Variants in TBC1D5 observed in about 807,000 individuals in gnomAD.
TBC1D5 encodes TBC1 domain family, member 5.
A neutral mutation model predicts 100.3 loss-of-function variants in TBC1D5; 75 were observed. That is an observed-to-expected ratio of 0.75 (90% CI 0.62 to 0.91). The LOEUF is 0.91. Among genes scored for constraint, TBC1D5 ranks in the 40% least tolerant of loss-of-function variants. TBC1D5 has a pLI of 0.00. For synonymous variants in TBC1D5, 323 were observed against 325.6 expected (o/e 0.99, Z 0.09); for missense variants, 910 against 942.4 (o/e 0.97, Z 0.45).
intron 2 of TBC1D5, among the ~76,000 whole-genome samples, chr3:17,615,663 T>C (rs2062084952): frequency 6.6e-6 from 1 of 152,244 alleles, no homozygotes; most frequent in African/African-American, 2.4e-5. Context: ...GATTTTCTAG[T>C]TGCTTTGCGT....
chr3:17,415,644 TTAA>T (rs1360202460), intron 4 of TBC1D5, among the ~76,000 whole-genome samples: 1 of 152,044 alleles, frequency 6.6e-6, no homozygotes, highest in East Asian at 1.9e-4. Flanking sequence ...TTTAATTGTA[TTAA>T]TAATTTAAAT....
chr3:17,295,475 C>T (rs2150235671), intron 14 of TBC1D5, among the ~76,000 whole-genome samples: 1 of 152,288 alleles, frequency 6.6e-6, no homozygotes, highest in Non-Finnish European at 1.5e-5. Flanking sequence ...TTATGTGCCC[C>T]ACAACTATTC....
intron 8 of TBC1D5, among the ~76,000 whole-genome samples, chr3:17,401,350 A>C (rs1369188033): frequency 1.2e-5 from 1 of 80,562 alleles, no homozygotes; most frequent in African/African-American, 6.5e-5. Context: ...TATAATATAC[A>C]TATATATGTA....
At chr3:17,661,145 A>G (rs2066604576) in intron 1 of TBC1D5, among the ~76,000 whole-genome samples, 1 of 152,188 alleles carries the variant, frequency 6.6e-6, no homozygotes, top group African/African-American at 2.4e-5. Flanking sequence ...ATTTTGAATA[A>G]TGTTGCATAC....
At chr3:17,578,146 TTG>T (rs1168943731) in intron 2 of TBC1D5, among the ~76,000 whole-genome samples, 2 of 152,060 alleles carry the variant, frequency 1.3e-5, no homozygotes, top group Admixed American at 6.6e-5. Flanking sequence ...ATGAAATAAA[TTG>T]TGTGTTTTAT....
chr3:17,340,435 G>T (rs2088695224), intron 13 of TBC1D5, among the ~76,000 whole-genome samples: 1 of 152,172 alleles, frequency 6.6e-6, no homozygotes, highest in Admixed American at 6.5e-5. Flanking sequence ...CAGGGAGGTG[G>T]CAACAGCAGT....
chr3:17,390,338 C>T (rs1185525285), intron 8 of TBC1D5, among the ~76,000 whole-genome samples: 1 of 152,038 alleles, frequency 6.6e-6, no homozygotes, highest in African/African-American at 2.4e-5. Flanking sequence ...AATATCGGGG[C>T]TATCTGTAAT....
intron 13 of TBC1D5, among the ~76,000 whole-genome samples, chr3:17,314,988 G>T (rs1354831594): frequency 6.6e-6 from 1 of 152,202 alleles, no homozygotes; most frequent in East Asian, 1.9e-4. Flanking sequence ...TTAAGGTGGG[G>T]TCAATACAGG....
At chr3:17,188,325 G>T (rs895152576) in intron 18 of TBC1D5, among the ~76,000 whole-genome samples, 1 of 152,178 alleles carries the variant, frequency 6.6e-6, no homozygotes, top group South Asian at 2.1e-4. Context: ...GGCAGCCACT[G>T]AAGTGCATCT....
intron 5 of TBC1D5, 93 bp from the exon 6 acceptor site, chr3:17,405,054 T>C: frequency 1.6e-6 from 1 of 639,768 alleles, no homozygotes; most frequent in Non-Finnish European, 2.6e-6. Context: ...TTGAAAGACA[T>C]AATAGTCATG....
chr3:17,450,261 T>G (rs1180296497), intron 3 of TBC1D5, among the ~76,000 whole-genome samples: 2 of 151,986 alleles, frequency 1.3e-5, no homozygotes, highest in Non-Finnish European at 2.9e-5. Flanking sequence ...GGTAGATAAA[T>G]CCACGAAGAT....
chr3:17,714,785 G>A (rs888949998), intron 1 of TBC1D5, among the ~76,000 whole-genome samples: 7 of 152,140 alleles, frequency 4.6e-5, no homozygotes, highest in Admixed American at 2.6e-4. Context: ...GCAACATAGT[G>A]AGACCCCATC....
chr3:17,408,268 AACACACACACACACACACACACACAC>A (rs3041146), intron 4 of TBC1D5, among the ~76,000 whole-genome samples: 17 of 144,012 alleles, frequency 1.2e-4, no homozygotes, highest in East Asian at 2.2e-4. Context: ...AAGACTATCC[AACACACACACACACACACACACACAC>A]ACACACACAC....
chr3:17,383,305 G>C (rs944337413), intron 9 of TBC1D5, among the ~76,000 whole-genome samples: 1 of 151,696 alleles, frequency 6.6e-6, no homozygotes, highest in African/African-American at 2.4e-5. Context: ...ATACCCAAGT[G>C]TGTGTATTTT....
intron 1 of TBC1D5, among the ~76,000 whole-genome samples, chr3:17,658,947 T>C (rs989310348): frequency 1.3e-5 from 2 of 152,168 alleles, no homozygotes; most frequent in Admixed American, 6.5e-5. Flanking sequence ...TGTGAGTCAC[T>C]GCGCCCAGCC....
intron 13 of TBC1D5, among the ~76,000 whole-genome samples, chr3:17,331,473 C>A (rs1201307124): frequency 6.6e-6 from 1 of 152,174 alleles, no homozygotes; most frequent in Non-Finnish European, 1.5e-5. Flanking sequence ...TAGAAATACA[C>A]TATACAATGA....
At chr3:17,349,307 G>T (rs1287865986) in intron 13 of TBC1D5, among the ~76,000 whole-genome samples, 1 of 152,152 alleles carries the variant, frequency 6.6e-6, no homozygotes, top group Admixed American at 6.5e-5. Flanking sequence ...AGGTGGGTGG[G>T]ACTGAAGAGT....
chr3:17,620,852 A>AT (rs1248112206), intron 2 of TBC1D5, among the ~76,000 whole-genome samples: 1 of 152,198 alleles, frequency 6.6e-6, no homozygotes, highest in Admixed American at 6.5e-5. Context: ...TTTCAAATTA[A>AT]TATCATAAAC....
In TBC1D5 at chr3:17,549,966, T is replaced by G. The variant is rs531833908; in HGVS notation, c.-35-41361A>C. Among the ~76,000 whole-genome samples the G allele has an allele frequency of 2.6e-3, 397 of 150,246 alleles. 6 individuals are homozygous for G. The highest frequency in any genetic ancestry group is 0.014 in the Middle Eastern group (4 of 282). On this transcript the variant is annotated intron_variant, in intron 2 of 21. Coordinates refer to ENST00000253692, the Ensembl canonical transcript of TBC1D5. ...ATAATAATAATAGTAATAATAAGAA[T>G]AATAATAATAATGAATGGCTTCCTA...
Sources: gnomAD v4.1 joint callset for allele counts (sites outside exome capture counted in the v4.1 genomes callset) on GRCh38, gnomAD v4.1.1 for gene constraint, MANE v1.5 for transcripts, NCBI Gene and HGNC (gene_info 2026-07-23, HGNC 2026-07-21) for gene names.